Variants in ERICH5 observed in about 807,000 individuals in gnomAD.
ERICH5 encodes the protein glutamate rich 5, also known as glutamate-rich protein 5.
Under a neutral mutation model 28.0 loss-of-function variants are expected in ERICH5, and 24 were observed. The ratio of observed to expected loss-of-function variants is 0.86; its 90% CI spans 0.62 to 1.21. The LOEUF (loss-of-function observed/expected upper bound fraction) is 1.21, where lower values mean the gene tolerates loss of function less well. Ranked by LOEUF, ERICH5 falls within the 50% of genes most tolerant of loss-of-function variation. The pLI, the probability that ERICH5 is intolerant of heterozygous loss-of-function variation, is 0.00. For missense variants in ERICH5, 421 were observed against 441.2 expected (o/e 0.95, Z 0.41); for synonymous variants, 163 against 157.6 (o/e 1.03, Z -0.25).
intron 2 of ERICH5, among the ~76,000 whole-genome samples, chr8:98,091,900 C>CTTTCTTTCTTTCTTTCTTTTCTTTCTTT: frequency 1.2e-4 from 9 of 74,676 alleles, no homozygotes; most frequent in African/African-American, 3.4e-4. Flanking sequence ...TTCTTTCTTT[C>CTTTCTTTCTTTCTTTCTTTTCTTTCTTT]CTTTCTTTCT....
intron 2 of ERICH5, 70 bp from the exon 3 acceptor site, chr8:98,093,151 C>A: frequency 2.7e-6 from 3 of 1,107,144 alleles, no homozygotes; most frequent in South Asian, 1.5e-5. Context: ...CCATTGGAGA[C>A]AAACTGTGGG....
rs188007267 is a variant in ERICH5 at position 98,083,781 on chromosome 8, C to T, written c.59-5295C>T. 8.5e-5 allele frequency among the ~76,000 whole-genome samples: 13 copies of T among 152,310 alleles called. No individual in the cohort carries two copies. The East Asian group carries it at 2.3e-3, about 27-fold the overall frequency. The stretch of plus-strand genomic sequence containing the variant: ...TCCAACAGCCTCCCGGATTTGCCAC[C>T]AGGATGTAAAATCTACAACCATCTC... On this transcript the variant is annotated intron_variant, in intron 1 of 2. Transcript: ENST00000318528.
chr8:98,088,372 A>T (rs556866096), intron 1 of ERICH5, among the ~76,000 whole-genome samples: 2 of 152,336 alleles, frequency 1.3e-5, no homozygotes, highest in East Asian at 3.9e-4. Context: ...AGACAAGATC[A>T]TTGGGAGCTA....
intron 1 of ERICH5, among the ~76,000 whole-genome samples, chr8:98,088,103 T>TTA (rs35330907): frequency 0.22 from 33,503 of 150,604 alleles, 3,994 homozygotes; most frequent in East Asian, 0.3. Context: ...AATATTGGGA[T>TTA]TATATATATA....
At chr8:98,091,884 CT>C (rs1305293486) in intron 2 of ERICH5, among the ~76,000 whole-genome samples, 2 of 86,754 alleles carry the variant, frequency 2.3e-5, no homozygotes, top group African/African-American at 9.8e-5. Context: ...TTCTTTCTTT[CT>C]TTCTTTCTTT....
chr8:98,073,155 G>A (rs2130511184), intron 1 of ERICH5, among the ~76,000 whole-genome samples: 1 of 152,048 alleles, frequency 6.6e-6, no homozygotes, highest in East Asian at 1.9e-4. Context: ...TTCAGGATCA[G>A]TTATTAGTTG....
chr8:98,077,635 C>A (rs1023233976), intron 1 of ERICH5, among the ~76,000 whole-genome samples: 1 of 152,182 alleles, frequency 6.6e-6, no homozygotes, highest in Non-Finnish European at 1.5e-5. Flanking sequence ...TTCAGCCTCT[C>A]CCCTAGGCAG....
In ERICH5 at chr8:98,090,902, TTTTG is replaced by T. The variant is rs145738381; in HGVS notation, c.1012+877_1012+880del. Among the ~76,000 whole-genome samples, 763 of 152,226 alleles carry T rather than the reference TTTTG, an allele frequency of 5.0e-3. 6 individuals carry two copies. The highest frequency in any genetic ancestry group is 0.017 in the African/African-American group (724 of 41,566). On this transcript the variant is annotated intron_variant, in intron 2 of 2. Coordinates refer to ENST00000318528, the MANE Select transcript of ERICH5 (RefSeq NM_173549.3). ...GCATTCATTATAATCATCCATCTGT[TTTTG>T]TTTAATTCTTTCATTTATTTATTTT...
Position 98,091,900 on chromosome 8 carries a change from C to CTTTCCTTTCTTTCTTT in ERICH5, c.1013-1321_1013-1320insTTTCCTTTCTTTCTTT. ...TCTTTCTTTCTTTCTTTCTTTCTTT[C>CTTTCCTTTCTTTCTTT]CTTTCTTTCTTTCTTTCTTCCTTTC... is the stretch of plus-strand genomic sequence containing the variant. On this transcript the variant is annotated intron_variant, in intron 2 of 2. Transcript: ENST00000318528. Among the ~76,000 whole-genome samples, 306 of 74,644 alleles carry CTTTCCTTTCTTTCTTT rather than the reference C, an allele frequency of 4.1e-3. 2 individuals are homozygous for CTTTCCTTTCTTTCTTT. Among genetic ancestry groups the CTTTCCTTTCTTTCTTT allele is most frequent in the African/African-American group, 0.011 (202 of 17,808 alleles). The allele number at this position is 74,644 out of a possible 152,430, so 49.0% of individuals were successfully genotyped here. A position where few individuals can be genotyped will look rare whatever the true frequency, so the allele number is the denominator to read the frequency against.
chr8:98,067,740 C>T (rs1004832844), intron 1 of ERICH5, among the ~76,000 whole-genome samples: 5 of 151,694 alleles, frequency 3.3e-5, no homozygotes, highest in African/African-American at 1.2e-4. Context: ...CTCAGCTTCC[C>T]GAGTAGCTGG....
At chr8:98,073,510 A>G (rs1563753537) in intron 1 of ERICH5, among the ~76,000 whole-genome samples, 2 of 5,604 alleles carry the variant, frequency 3.6e-4, no homozygotes, top group African/African-American at 8.6e-4. Flanking sequence ...ATATATATAT[A>G]TATATGTATA....
intron 1 of ERICH5, among the ~76,000 whole-genome samples, chr8:98,075,008 G>A (rs1231407761): frequency 6.6e-6 from 1 of 152,108 alleles, no homozygotes; most frequent in Non-Finnish European, 1.5e-5. Context: ...GTTTTGAGGA[G>A]CACTGGTTAG....
At chr8:98,068,809 C>G (rs1311326947) in intron 1 of ERICH5, among the ~76,000 whole-genome samples, 1 of 152,218 alleles carries the variant, frequency 6.6e-6, no homozygotes, top group African/African-American at 2.4e-5. Context: ...TAATTATTGA[C>G]AAGTTCATTG....
At chr8:98,073,470 A>C (rs1248868686) in intron 1 of ERICH5, among the ~76,000 whole-genome samples, 10 of 1,950 alleles carry the variant, frequency 5.1e-3, no homozygotes, top group Admixed American at 0.012. Context: ...GTATATATAT[A>C]TATATATATA....
Position 98,093,567 on chromosome 8 carries a change from A to C in ERICH5, c.*234A>C, listed in dbSNP as rs1439845496. On this transcript the variant is annotated 3_prime_UTR_variant, in exon 3 of 3. Transcript: ENST00000318528. ...CTACTTAGAATGGTTATACATTTAA[A>C]AGTATAAAAACCAAAGCCAATAAAA... 6.2e-6 allele frequency: 2 copies of C among 322,396 alleles called. No homozygotes were observed. Among genetic ancestry groups the C allele is most frequent in the Admixed American group, 4.9e-5 (1 of 20,578 alleles). 20.0% of individuals were successfully genotyped at this position (322,396 alleles called of 1,614,324 possible). A position where few individuals can be genotyped will look rare whatever the true frequency, so the allele number is the denominator to read the frequency against.
intron 1 of ERICH5, among the ~76,000 whole-genome samples, chr8:98,080,533 G>T (rs565000329): frequency 6.6e-6 from 1 of 152,264 alleles, no homozygotes; most frequent in South Asian, 2.1e-4. Context: ...CTGAGAGATG[G>T]TTCAAAACAA....
At chr8:98,090,173 C>T (rs1480375779) in intron 2 of ERICH5, 144 bp downstream of exon 2, 3 of 590,962 alleles carry the variant, frequency 5.1e-6, no homozygotes, top group East Asian at 5.7e-5. Flanking sequence ...AAAAAGGCTT[C>T]TGTGCCTGGG....
intron 1 of ERICH5, 120 bp downstream of exon 1, chr8:98,064,847 C>G (rs1289674964): frequency 9.8e-6 from 7 of 714,028 alleles, no homozygotes; most frequent in African/African-American, 1.8e-5. Context: ...GGCCTTGTCC[C>G]GGAGGATGCG....
rs1815006665 is a variant in ERICH5 at position 98,074,199 on chromosome 8, C to G, written c.58+9472C>G. 2.0e-5 allele frequency among the ~76,000 whole-genome samples: 3 copies of G among 151,712 alleles called. No individual in the cohort carries two copies. In the South Asian group the frequency reaches 6.2e-4, roughly 32 times the overall value. On this transcript the variant is annotated intron_variant, in intron 1 of 2. Transcript: ENST00000318528. ...GGTGTGAGCCACCTCACCTGGCCTT[C>G]CTCACTTTTTAAAAAAGTAAATTTA...
Sources: allele counts gnomAD v4.1 joint callset (sites outside exome capture counted in the v4.1 genomes callset), GRCh38; gene constraint gnomAD v4.1.1; transcripts MANE v1.5; gene names NCBI Gene and HGNC (gene_info 2026-07-23, HGNC 2026-07-21).